KCNJ1: variants seen among roughly 807,000 people sequenced by gnomAD.
KCNJ1 encodes ATP-sensitive inward rectifier potassium channel 1.
Under a neutral mutation model 21.9 loss-of-function variants are expected in KCNJ1, and 24 were observed. That is an observed-to-expected ratio of 1.10 (90% confidence interval 0.79 to 1.54). The LOEUF (loss-of-function observed/expected upper bound fraction) is 1.54. Ranked by LOEUF, KCNJ1 falls within the 40% of genes most tolerant of loss-of-function variation. The pLI is 0.00. For synonymous variants in KCNJ1, 152 were observed against 160.9 expected (o/e 0.94, Z 0.42); for missense variants, 457 against 455.4 (o/e 1.00, Z -0.03).
chr11:128,864,943 G>A lies in KCNJ1; in HGVS notation c.-192+2230C>T, dbSNP rs527576929. Among the ~76,000 whole-genome samples the A allele has an allele frequency of 1.1e-4, 16 of 151,922 alleles. No individual in the cohort carries two copies. The South Asian group carries it at 2.9e-3, about 28-fold the overall frequency. Reference sequence around the variant, plus strand: ...CACAATGTAAATAAGATCTTACCCCGGTTCTCACCACCTTCCGGACACTGC... The same window carrying A: ...CACAATGTAAATAAGATCTTACCCCAGTTCTCACCACCTTCCGGACACTGC... On this transcript the variant is annotated intron_variant, in intron 1 of 2. Coordinates refer to ENST00000392666, the MANE Select transcript of KCNJ1 (RefSeq NM_153766.3).
chr11:128,840,920 G>C (rs940893078), intron 2 of KCNJ1, among the ~76,000 whole-genome samples: 2 of 152,158 alleles, frequency 1.3e-5, no homozygotes, highest in Non-Finnish European at 2.9e-5. Context: ...CTAGAATATA[G>C]GGCTCCCTGC....
At chr11:128,851,452 G>A (rs571803287) in intron 1 of KCNJ1, among the ~76,000 whole-genome samples, 33 of 152,306 alleles carry the variant, frequency 2.2e-4, no homozygotes, top group African/African-American at 7.9e-4. Context: ...TGTTGAGGAG[G>A]AGATGGTTGT....
intron 1 of KCNJ1, among the ~76,000 whole-genome samples, chr11:128,852,534 C>A (rs1943494249): frequency 1.3e-5 from 2 of 152,244 alleles, no homozygotes; most frequent in African/African-American, 4.8e-5. Flanking sequence ...TATCACCCAC[C>A]CTCCCATGTT....
chr11:128,839,105 C>G lies in KCNJ1; in HGVS notation c.*20G>C, dbSNP rs1358032764. 1.2e-6 allele frequency: 2 copies of G among 1,609,396 alleles called. No individual in the cohort carries two copies. The highest frequency in any genetic ancestry group is 1.1e-5 in the South Asian group (1 of 90,988). On this transcript the variant is annotated 3_prime_UTR_variant, in exon 3 of 3. Transcript: ENST00000392666. ...TAGGAGCTTTAGAGACTTTGCTTTA[C>G]TCCCGTTGAAAAGCCACTGTTACAT...
intron 1 of KCNJ1, among the ~76,000 whole-genome samples, chr11:128,856,522 C>T (rs992781534): frequency 4.6e-5 from 7 of 152,224 alleles, no homozygotes; most frequent in Admixed American, 1.3e-4. Flanking sequence ...ATGTGATGTA[C>T]GCTGGGACAG....
chr11:128,855,849 T>C (rs1043951088), intron 1 of KCNJ1, among the ~76,000 whole-genome samples: 10 of 152,160 alleles, frequency 6.6e-5, no homozygotes, highest in Non-Finnish European at 1.5e-4. Context: ...AAAGGCTGAG[T>C]TGGCACTTGG....
intron 2 of KCNJ1, among the ~76,000 whole-genome samples, chr11:128,845,058 T>G (rs1591409005): frequency 6.6e-6 from 1 of 152,370 alleles, no homozygotes; most frequent in Non-Finnish European, 1.5e-5. Flanking sequence ...ATGAAAAAAT[T>G]ACTGCTTTGT....
intron 2 of KCNJ1, among the ~76,000 whole-genome samples, chr11:128,849,051 T>C (rs933970408): frequency 6.6e-6 from 1 of 152,148 alleles, no homozygotes; most frequent in Non-Finnish European, 1.5e-5. Context: ...TCTGGAGTAG[T>C]GGCATTCTGG....
In KCNJ1 at chr11:128,867,290, G is replaced by A. The variant is rs1943836015; in HGVS notation, c.-309C>T. The A allele has an allele frequency of 6.6e-6, 1 of 152,132 alleles. No individual in the cohort carries two copies. The highest frequency in any genetic ancestry group is 6.6e-5 in the Admixed American group (1 of 15,262). The allele number at this position is 152,132 out of a possible 1,614,324, so 9.4% of individuals were successfully genotyped here. ...ACCTTTGATGCAAGAGTTTGGATAT[G>A]CTAGGTGAGGGTACCCGAGGCCCTG... On this transcript the variant is annotated 5_prime_UTR_variant, in exon 1 of 3. Coordinates refer to ENST00000392666, the MANE Select transcript of KCNJ1 (RefSeq NM_153766.3).
intron 1 of KCNJ1, among the ~76,000 whole-genome samples, chr11:128,862,703 G>A (rs992455847): frequency 3.9e-5 from 6 of 152,212 alleles, no homozygotes; most frequent in African/African-American, 1.4e-4. Context: ...CCAGCACAGC[G>A]GGGGCTTCCC....
At position 128,839,267 on chromosome 11, in the gene KCNJ1, C is replaced by T. The variant is rs761693014; in HGVS notation, c.977G>A (p.Ser326Asn). The change falls in exon 3 of 3, where the codon AGC becomes AAC. Residue 326 changes from serine to asparagine, a missense_variant. Physicochemically the swap from Ser to Asn is conservative, Grantham distance 46. Coordinates refer to ENST00000392666, the MANE Select transcript of KCNJ1 (RefSeq NM_153766.3). Reference protein sequence around the residue: ...GKYRVDFHNFSKTVEVETPHC... With the variant: ...GKYRVDFHNFNKTVEVETPHC... ...AGGGGTCTCCACTTCCACTGTCTTGCTAAAGTTATGGAAATCCACTCGGTA... is the reference window on the plus strand; with the variant it reads ...AGGGGTCTCCACTTCCACTGTCTTGTTAAAGTTATGGAAATCCACTCGGTA... The T allele has an allele frequency of 2.5e-6, 4 of 1,614,028 alleles. No individual in the cohort carries two copies. Among genetic ancestry groups the T allele is most frequent in the South Asian group, 1.1e-5 (1 of 91,084 alleles).
At chr11:128,864,690 G>A (rs1485437695) in intron 1 of KCNJ1, among the ~76,000 whole-genome samples, 3 of 152,114 alleles carry the variant, frequency 2.0e-5, no homozygotes, top group African/African-American at 7.2e-5. Flanking sequence ...GTGAGTGGAA[G>A]GAAAAGGGTC....
chr11:128,855,753 T>TG (rs1277410333), intron 1 of KCNJ1, among the ~76,000 whole-genome samples: 1 of 152,210 alleles, frequency 6.6e-6, no homozygotes, highest in South Asian at 2.1e-4. Flanking sequence ...GGATCTGGTA[T>TG]GGGGAAAGCC....
At chr11:128,855,166 G>A (rs1486495946) in intron 1 of KCNJ1, among the ~76,000 whole-genome samples, 3 of 152,120 alleles carry the variant, frequency 2.0e-5, no homozygotes, top group South Asian at 2.1e-4. Flanking sequence ...AGCTGTTTAC[G>A]GTTTTTCTTT....
intron 2 of KCNJ1, among the ~76,000 whole-genome samples, chr11:128,847,558 A>G (rs767413574): frequency 1.1e-4 from 16 of 152,248 alleles, no homozygotes; most frequent in Non-Finnish European, 2.1e-4. Flanking sequence ...AAAAATTTCA[A>G]GTTCGGCTTT....
chr11:128,853,300 A>G (rs1265099431), intron 1 of KCNJ1, among the ~76,000 whole-genome samples: 2 of 152,258 alleles, frequency 1.3e-5, no homozygotes, highest in African/African-American at 2.4e-5. Context: ...AATAAATAAA[A>G]TGTGACATAT....
At chr11:128,856,679 C>T (rs181816603) in intron 1 of KCNJ1, among the ~76,000 whole-genome samples, 1 of 152,346 alleles carries the variant, frequency 6.6e-6, no homozygotes, top group African/African-American at 2.4e-5. Flanking sequence ...GTCAATGGCA[C>T]ACCCACCCCC....
chr11:128,856,521 A>G (rs1243503281), intron 1 of KCNJ1, among the ~76,000 whole-genome samples: 1 of 152,244 alleles, frequency 6.6e-6, no homozygotes, highest in Non-Finnish European at 1.5e-5. Context: ...CATGTGATGT[A>G]CGCTGGGACA....
In KCNJ1 at chr11:128,838,039, T is replaced by C. The variant is rs1327676232; in HGVS notation, c.*1086A>G. On this transcript the variant is annotated 3_prime_UTR_variant, in exon 3 of 3. Transcript: ENST00000392666. Reference sequence around the variant, plus strand: ...TGCATGCACAGTTTCAGAAATTTACTATATTAATCAACACACTGAAAACAT... The same window carrying C: ...TGCATGCACAGTTTCAGAAATTTACCATATTAATCAACACACTGAAAACAT... 6.6e-6 allele frequency: 1 copy of C among 152,460 alleles called. No homozygotes were observed. Among genetic ancestry groups the C allele is most frequent in the Non-Finnish European group, 1.5e-5 (1 of 68,042 alleles). 9.4% of individuals were successfully genotyped at this position (152,460 alleles called of 1,614,324 possible).
Sources: gnomAD v4.1 joint callset for allele counts (sites outside exome capture counted in the v4.1 genomes callset) on GRCh38, gnomAD v4.1.1 for gene constraint, MANE v1.5 for transcripts, NCBI Gene and HGNC (gene_info 2026-07-23, HGNC 2026-07-21) for gene names.